Variants in GPSM1 observed in about 807,000 individuals in gnomAD.
GPSM1 encodes the protein G protein-signaling modulator 1.
GPSM1 carries 48 observed loss-of-function variants against 70.5 expected under a neutral mutation model. The observed-to-expected ratio is 0.68, with a 90% CI of 0.54 to 0.87. The LOEUF (loss-of-function observed/expected upper bound fraction) is 0.87. GPSM1 is among the 40% of genes least tolerant of loss of function. The pLI, the probability that GPSM1 is intolerant of heterozygous loss-of-function variation, is 0.00. For synonymous variants in GPSM1, 416 were observed against 430.1 expected, an observed-to-expected ratio of 0.97 and a Z score of 0.41; for missense variants, 981 against 972.6, an observed-to-expected ratio of 1.01 and a Z score of -0.11.
Position 136,358,265 on chromosome 9 carries a change from C to T in GPSM1, c.*45C>T, listed in dbSNP as rs533188810. The T allele has an allele frequency of 1.6e-5, 24 of 1,464,906 alleles. No individual in the cohort carries two copies. The African/African-American group carries it at 2.1e-4, about 13-fold the overall frequency. The allele number at this position is 1,464,906 out of a possible 1,614,324, so 90.7% of individuals were successfully genotyped here. The stretch of plus-strand genomic sequence containing the variant: ...GGCCCACCCTGCCCCCACTCCTGGA[C>T]GCCGGTCTCACAGTCACAGCCACGT... On this transcript the variant is annotated 3_prime_UTR_variant, in exon 14 of 14. Coordinates refer to ENST00000440944, the MANE Select transcript of GPSM1 (RefSeq NM_001145638.3).
At position 136,357,916 on chromosome 9, in the gene GPSM1, G is replaced by A. The variant is rs553496779; in HGVS notation, c.1822-98G>A. The A allele has an allele frequency of 4.3e-6, 4 of 921,594 alleles. 1 individual carries two copies. The South Asian group carries it at 5.6e-5, about 13-fold the overall frequency. The allele number at this position is 921,594 out of a possible 1,614,324, so 57.1% of individuals were successfully genotyped here. A position where few individuals can be genotyped will look rare whatever the true frequency, so the allele number is the denominator to read the frequency against. ...CCTGGGTGGACAGGGGGAAGCCCGT[G>A]AACAGTGCACGCTGGCCTCTGGAAC... On this transcript the variant is annotated intron_variant, in intron 13 of 13. Coordinates refer to ENST00000440944, the MANE Select transcript of GPSM1 (RefSeq NM_001145638.3).
chr9:136,329,525 CGGT>C (rs1832053787), intron 1 of GPSM1, among the ~76,000 whole-genome samples: 2 of 152,116 alleles, frequency 1.3e-5, no homozygotes, highest in South Asian at 4.1e-4. Context: ...CTGGCGTGGG[CGGT>C]GGGCATGTGG....
intron 13 of GPSM1, among the ~76,000 whole-genome samples, chr9:136,357,426 C>T (rs572283361): frequency 1.3e-5 from 2 of 152,348 alleles, no homozygotes; most frequent in East Asian, 3.9e-4. Flanking sequence ...CACACGCATG[C>T]CTGCGCCAGC....
intron 13 of GPSM1, among the ~76,000 whole-genome samples, chr9:136,357,420 C>G (rs1251489750): frequency 2.0e-5 from 3 of 152,352 alleles, no homozygotes; most frequent in South Asian, 4.1e-4. Context: ...CCCATCCACA[C>G]GCATGCCTGC....
Position 136,357,956 on chromosome 9 carries a change from A to C in GPSM1, c.1822-58A>C, listed in dbSNP as rs1343432109. On this transcript the variant is annotated intron_variant, in intron 13 of 13. Transcript: ENST00000440944. ...GCCTCTGGAACCACCGCTGCTGACC[A>C]GCCCCGGACCACTGGGGCTGGGGGG... 3.6e-6 allele frequency: 5 copies of C among 1,390,908 alleles called. No individual in the cohort carries two copies. The African/African-American group carries it at 5.7e-5, about 16-fold the overall frequency. 86.2% of individuals were successfully genotyped at this position (1,390,908 alleles called of 1,614,324 possible).
chr9:136,355,983 C>T (rs1360016406), intron 12 of GPSM1, 137 bp downstream of exon 12: 4 of 700,724 alleles, frequency 5.7e-6, no homozygotes, highest in Admixed American at 2.9e-5. Flanking sequence ...TCACTGAGGG[C>T]GCCCTCCGCA....
At chr9:136,344,828 C>T (rs1368054798) in intron 9 of GPSM1, among the ~76,000 whole-genome samples, 1 of 152,224 alleles carries the variant, frequency 6.6e-6, no homozygotes, top group East Asian at 1.9e-4. Flanking sequence ...AAGGGAGGGC[C>T]TCGTGGGCCC....
At position 136,343,202 on chromosome 9, in the gene GPSM1, C is replaced by T. The variant is rs1832437727; in HGVS notation, c.1207+2209C>T. ...TGAGACCCTGACAGCAACCAGCCCC[C>T]ACCTCCCTGGCCAGAGGGCACAGGC... On this transcript the variant is annotated intron_variant, in intron 9 of 13. Transcript: ENST00000440944. The surrounding 1 kb of genome is among the most constrained non-coding windows in gnomAD (Gnocchi z 6.0). 6.6e-6 allele frequency among the ~76,000 whole-genome samples: 1 copy of T among 152,188 alleles called. No homozygotes were observed. The highest frequency in any genetic ancestry group is 2.1e-4 in the South Asian group (1 of 4,838).
Position 136,337,101 on chromosome 9 carries a change from C to A in GPSM1, c.578+29C>A, listed in dbSNP as rs549316274. ...AGTGGGGCAGGGCCAGCCCAGGGAC[C>A]GGGGCTGGCCTGTGCGTTTCTGAGC... On this transcript the variant is annotated intron_variant, in intron 4 of 13. Transcript: ENST00000440944. The A allele has an allele frequency of 3.3e-6, 5 of 1,529,264 alleles. No individual in the cohort carries two copies. In the South Asian group the frequency reaches 4.8e-5, roughly 15 times the overall value. 94.7% of individuals were successfully genotyped at this position (1,529,264 alleles called of 1,614,324 possible). A position where few individuals can be genotyped will look rare whatever the true frequency, so the allele number is the denominator to read the frequency against.
At chr9:136,350,837 G>A (rs28642252) in intron 11 of GPSM1, among the ~76,000 whole-genome samples, 41,366 of 152,184 alleles carry the variant, frequency 0.27, 5,834 homozygotes, top group African/African-American at 0.29. Context: ...GGCAGTTGCA[G>A]TGACTGCCAA....
chr9:136,349,786 C>A, intron 11 of GPSM1, 23 bp downstream of exon 11: 1 of 1,548,180 alleles, frequency 6.5e-7, no homozygotes, highest in Non-Finnish European at 8.7e-7. Flanking sequence ...GACGGCAGAT[C>A]CAGGCCGAGA....
chr9:136,339,795 C>G lies in GPSM1; in HGVS notation c.1063C>G (p.His355Asp). The G allele has an allele frequency of 6.5e-7, 1 of 1,547,232 alleles. No individual in the cohort carries two copies. The highest frequency in any genetic ancestry group is 8.7e-7 in the Non-Finnish European group (1 of 1,144,118). The change falls in exon 8 of 14, where the codon CAC (histidine) becomes GAC (aspartate). Residue 355 changes from histidine to aspartate, a missense_variant. Coordinates refer to ENST00000440944, the MANE Select transcript of GPSM1 (RefSeq NM_001145638.3). Reference protein sequence around the residue: ...PAQALTFAKKHLQISQEIGDR... With the variant: ...PAQALTFAKKDLQISQEIGDR... Reference sequence around the variant, plus strand: ...GCAGGCCCTGACCTTCGCCAAGAAGCACCTGCAGATCTCCCAGGAGGTGAG... The same window carrying G: ...GCAGGCCCTGACCTTCGCCAAGAAGGACCTGCAGATCTCCCAGGAGGTGAG...
intron 12 of GPSM1, 129 bp downstream of exon 12, chr9:136,355,975 A>C: frequency 1.3e-6 from 1 of 749,040 alleles, no homozygotes; most frequent in Non-Finnish European, 2.1e-6. Flanking sequence ...GCACCCTGTC[A>C]CTGAGGGCGC....
At chr9:136,345,586 C>T (rs980190986) in intron 9 of GPSM1, among the ~76,000 whole-genome samples, 1 of 152,228 alleles carries the variant, frequency 6.6e-6, no homozygotes, top group Non-Finnish European at 1.5e-5. Flanking sequence ...AGGGCCAGGC[C>T]TGGCAGAAGC....
chr9:136,356,067 G>A (rs1486676706), intron 12 of GPSM1, among the ~76,000 whole-genome samples: 7 of 152,164 alleles, frequency 4.6e-5, no homozygotes. Flanking sequence ...TGCAGGGGCA[G>A]TCTCAGGGAG....
At chr9:136,331,930 G>A (rs1167768920) in intron 1 of GPSM1, 1 of 398,042 alleles carries the variant, frequency 2.5e-6, no homozygotes, top group Admixed American at 4.4e-5. Flanking sequence ...GGAAGCCTAA[G>A]GCCAGCCCAC....
rs543716859 is a variant in GPSM1, at chr9:136,354,140, C to T, written c.1456-1550C>T. On this transcript the variant is annotated intron_variant, in intron 11 of 13. Transcript: ENST00000440944. The stretch of plus-strand genomic sequence containing the variant: ...GGCTTCCGTGACAGCTGGGGACTGA[C>T]TCCAGGGGCCAGAGCCAGGTGGGGT... Among the ~76,000 whole-genome samples the T allele has an allele frequency of 1.3e-3, 202 of 152,310 alleles. 1 individual carries two copies. The highest frequency in any genetic ancestry group is 4.6e-3 in the African/African-American group (192 of 41,562).
intron 11 of GPSM1, among the ~76,000 whole-genome samples, chr9:136,351,077 A>G (rs1308933580): frequency 6.6e-6 from 1 of 152,120 alleles, no homozygotes; most frequent in Non-Finnish European, 1.5e-5. Flanking sequence ...CACTAGAAAT[A>G]GTCTGAAATT....
In GPSM1 at chr9:136,340,865, C is replaced by A; in HGVS notation, c.1084-5C>A. ...CTGCCCGCTCCGCCACCCCACTCGC[C>A]GCAGATCGGGGACCGCCATGGGGAG... On this transcript the variant is annotated splice_polypyrimidine_tract_variant and splice_region_variant and intron_variant, in intron 8 of 13. Transcript: ENST00000440944. The surrounding 1 kb of genome is among the most constrained non-coding windows in gnomAD (Gnocchi z 7.3). 6.4e-7 allele frequency: 1 copy of A among 1,567,318 alleles called. No homozygotes were observed. Among genetic ancestry groups the A allele is most frequent in the Non-Finnish European group, 8.6e-7 (1 of 1,158,978 alleles).
Sources: gnomAD v4.1 joint callset for allele counts (sites outside exome capture counted in the v4.1 genomes callset) on GRCh38, gnomAD v4.1.1 for gene constraint, Gnocchi (gnomAD v3.1) non-coding constraint, MANE v1.5 for transcripts, NCBI Gene and HGNC (gene_info 2026-07-23, HGNC 2026-07-21) for gene names.